Variants in HIVEP1 observed in about 807,000 individuals in gnomAD.
The protein encoded by HIVEP1 is zinc finger protein 40.
Under a neutral mutation model 180.0 loss-of-function variants are expected in HIVEP1, and 36 were observed. The ratio of observed to expected loss-of-function variants is 0.20; its 90% CI spans 0.15 to 0.26. The LOEUF is 0.26. Among genes scored for constraint, HIVEP1 ranks in the 10% least tolerant of loss-of-function variants. HIVEP1 has a pLI of 1.00. For missense variants in HIVEP1, 3,143 were observed against 3,268.7 expected (o/e 0.96, Z 0.94); for synonymous variants, 1,239 against 1,239.0 (o/e 1.00, Z 0.00).
intron 3 of HIVEP1, among the ~76,000 whole-genome samples, chr6:12,109,852 C>T (rs1180235215): frequency 1.3e-5 from 2 of 152,226 alleles, no homozygotes; most frequent in African/African-American, 4.8e-5. Flanking sequence ...CCAGCTCCAT[C>T]AGAGGAATCA....
chr6:12,141,600 G>GTCT (rs1216544059), intron 7 of HIVEP1, among the ~76,000 whole-genome samples: 1 of 146,740 alleles, frequency 6.8e-6, no homozygotes, highest in Non-Finnish European at 1.5e-5. Context: ...ACCCATCAGT[G>GTCT]TGCTGTATTC....
chr6:12,067,406 G>T (rs1184087104), intron 2 of HIVEP1, among the ~76,000 whole-genome samples: 2 of 152,008 alleles, frequency 1.3e-5, no homozygotes, highest in African/African-American at 4.8e-5. Context: ...ATTCTTTAAA[G>T]GAAGTTGACT....
chr6:12,126,190 A>G (rs1159456103), intron 4 of HIVEP1, among the ~76,000 whole-genome samples: 1 of 152,172 alleles, frequency 6.6e-6, no homozygotes, highest in Non-Finnish European at 1.5e-5. Context: ...TTTTACTTAT[A>G]TTGAGGTTTT....
chr6:12,167,928 C>T (rs141573319), downstream of HIVEP1, among the ~76,000 whole-genome samples: 1,166 of 124,282 alleles, frequency 9.4e-3, 27 homozygotes, highest in African/African-American at 0.035. Flanking sequence ...TGTATATCTG[C>T]GTATATTATA....
At chr6:12,140,567 T>A (rs1184250005) in intron 7 of HIVEP1, among the ~76,000 whole-genome samples, 1 of 152,134 alleles carries the variant, frequency 6.6e-6, no homozygotes, top group East Asian at 1.9e-4. Flanking sequence ...AATAACAAAC[T>A]TTTCCAAGCT....
intron 2 of HIVEP1, among the ~76,000 whole-genome samples, chr6:12,025,880 A>G (rs1768550643): frequency 6.6e-6 from 1 of 152,166 alleles, no homozygotes; most frequent in African/African-American, 2.4e-5. Context: ...TCCCTACTAA[A>G]AATAAAAAAA....
At chr6:12,165,086 A>G, downstream of HIVEP1, 1 of 499,014 alleles carries the variant, frequency 2.0e-6, no homozygotes, top group East Asian at 5.7e-5. Flanking sequence ...TTCTTTCCAC[A>G]TTCCCCTCAA....
chr6:12,181,209 A>T, the HIVEP1 span, among the ~76,000 whole-genome samples: 1 of 151,716 alleles, frequency 6.6e-6, no homozygotes, highest in African/African-American at 2.4e-5. Flanking sequence ...AAACACAAAA[A>T]ATTAGCCGGG....
At chr6:12,044,922 G>T (rs1770029302) in intron 2 of HIVEP1, among the ~76,000 whole-genome samples, 1 of 152,230 alleles carries the variant, frequency 6.6e-6, no homozygotes, top group African/African-American at 2.4e-5. Context: ...CATCCCTCCT[G>T]TGTAGACATT....
chr6:12,112,537 C>G (rs1001099777), intron 3 of HIVEP1, among the ~76,000 whole-genome samples: 5 of 151,850 alleles, frequency 3.3e-5, no homozygotes, highest in Non-Finnish European at 7.4e-5. Flanking sequence ...TCATGTATTT[C>G]TACTACCCTG....
Position 12,122,222 on chromosome 6 carries a change from A to C in HIVEP1, c.2427A>C (p.Ile809=). The change falls in exon 4 of 9, where the codon ATA becomes ATC. Residue 809 remains isoleucine (I), a synonymous_variant. Transcript: ENST00000379388. ...GGAGAACAAGTTCAAGCTCTGATATACCGAAGTCACCTTTCACCCCTACTG... is the reference window on the plus strand; with the variant it reads ...GGAGAACAAGTTCAAGCTCTGATATCCCGAAGTCACCTTTCACCCCTACTG... ...VGRRTSSSSD[I]PKSPFTPTEK... is the part of the protein sequence containing the mutation. The C allele has an allele frequency of 6.2e-7, 1 of 1,614,208 alleles. No homozygotes were observed. The highest frequency in any genetic ancestry group is 8.5e-7 in the Non-Finnish European group (1 of 1,180,038).
rs1757910864 is a variant in HIVEP1, at chr6:12,124,342, A to G, written c.4547A>G (p.Asn1516Ser). ...VQQLCDINLL[N>S]QIHAPPSHQS... is the part of the protein sequence containing the mutation. ...CAGCTCTGTGATATCAATTTGTTAA[A>G]TCAAATCCATGCACCGCCTAGCCAC... The change falls in exon 4 of 9, where the codon AAT becomes AGT. Residue 1516 changes from asparagine (N) to serine (S), a missense_variant. Physicochemically the swap from Asn to Ser is conservative, Grantham distance 46. Transcript: ENST00000379388. The G allele has an allele frequency of 1.2e-6, 2 of 1,613,976 alleles. No homozygotes were observed. The highest frequency in any genetic ancestry group is 1.3e-5 in the African/African-American group (1 of 74,910).
chr6:12,183,593 T>C, the HIVEP1 span, among the ~76,000 whole-genome samples: 1 of 152,218 alleles, frequency 6.6e-6, no homozygotes, highest in Admixed American at 6.5e-5. Flanking sequence ...ATTTAGATGA[T>C]GTCCTGATTT....
intron 7 of HIVEP1, among the ~76,000 whole-genome samples, chr6:12,151,260 A>G (rs1031649679): frequency 6.6e-6 from 1 of 152,222 alleles, no homozygotes; most frequent in Non-Finnish European, 1.5e-5. Context: ...ACATTTGTTT[A>G]TAATGAGAGG....
Position 12,122,912 on chromosome 6 carries a change from T to A in HIVEP1, c.3117T>A (p.Asp1039Glu). The A allele has an allele frequency of 6.2e-7, 1 of 1,613,962 alleles. No homozygotes were observed. The highest frequency in any genetic ancestry group is 8.5e-7 in the Non-Finnish European group (1 of 1,179,968). Reference sequence around the variant, plus strand: ...GGAGGAAAATGAAAAGTGTTGGGGATGATGAAGAACTTCAGCAAAATGAAA... The same window carrying A: ...GGAGGAAAATGAAAAGTGTTGGGGAAGATGAAGAACTTCAGCAAAATGAAA... ...RKRRKMKSVG[D>E]DEELQQNESG... Residue 1039 changes from aspartate to glutamate, a missense_variant, in exon 4 of 9, where the codon GAT (aspartate) becomes GAA (glutamate). Physicochemically the swap from Asp to Glu is conservative, Grantham distance 45. Around this residue, in one of 12 missense-constraint regions of HIVEP1, gnomAD observed 1,357 missense variants for 1,260.5 expected, o/e 1.08. Coordinates refer to ENST00000379388, the MANE Select transcript of HIVEP1 (RefSeq NM_002114.4).
chr6:12,035,908 C>T (rs535462699), intron 2 of HIVEP1, among the ~76,000 whole-genome samples: 1 of 152,098 alleles, frequency 6.6e-6, no homozygotes, highest in Non-Finnish European at 1.5e-5. Flanking sequence ...AAAAAGGTAG[C>T]CTTTTCTAAT....
intron 2 of HIVEP1, among the ~76,000 whole-genome samples, chr6:12,027,584 C>T (rs1768667452): frequency 6.6e-6 from 1 of 152,216 alleles, no homozygotes; most frequent in Non-Finnish European, 1.5e-5. Context: ...TAGAAAACTA[C>T]TGCAGGCAAT....
intron 3 of HIVEP1, among the ~76,000 whole-genome samples, chr6:12,093,900 A>G (rs1398573000): frequency 6.6e-6 from 1 of 152,000 alleles, no homozygotes; most frequent in Non-Finnish European, 1.5e-5. Context: ...TTGCTCATCT[A>G]TTTGAATTTT....
Position 12,123,391 on chromosome 6 carries a change from C to T in HIVEP1, c.3596C>T (p.Ser1199Leu). 6.2e-7 allele frequency: 1 copy of T among 1,614,180 alleles called. No homozygotes were observed. Among genetic ancestry groups the T allele is most frequent in the Non-Finnish European group, 8.5e-7 (1 of 1,180,036 alleles). Residue 1199 changes from serine (S) to leucine (L), a missense_variant, in exon 4 of 9, where the codon TCA (serine) becomes TTA (leucine). Around this residue, in one of 12 missense-constraint regions of HIVEP1, gnomAD observed 1,357 missense variants for 1,260.5 expected, o/e 1.08. Coordinates refer to ENST00000379388, the MANE Select transcript of HIVEP1 (RefSeq NM_002114.4). ...TCTCATCCTCACCAGCTTGCACTAT[C>T]AGACGCTCTCAGAGGAGAACTTCAG... The part of the protein sequence containing the change: ...DGSHPHQLAL[S>L]DALRGELQES...
Sources: gnomAD v4.1 joint callset for allele counts (sites outside exome capture counted in the v4.1 genomes callset) on GRCh38, gnomAD v4.1.1 for gene constraint, gnomAD v4.1.1 regional missense constraint, MANE v1.5 for transcripts, NCBI Gene and HGNC (gene_info 2026-07-23, HGNC 2026-07-21) for gene names.